SHISA9: variants seen among roughly 807,000 people sequenced by gnomAD.
SHISA9 encodes the protein shisa family member 9.
Under a neutral mutation model 38.0 loss-of-function variants are expected in SHISA9, and 13 were observed. The observed-to-expected ratio is 0.34, with a 90% confidence interval of 0.22 to 0.54. SHISA9 has a LOEUF of 0.54. Among genes scored for constraint, SHISA9 ranks in the 20% least tolerant of loss-of-function variants. The pLI, the probability that SHISA9 is intolerant of heterozygous loss-of-function variation, is 0.91. For missense variants in SHISA9, 538 were observed against 575.8 expected, an observed-to-expected ratio of 0.93 and a Z score of 0.67; for synonymous variants, 275 against 242.0, an observed-to-expected ratio of 1.14 and a Z score of -1.27.
intron 2 of SHISA9, among the ~76,000 whole-genome samples, chr16:12,976,385 C>T (rs2072161933): frequency 1.3e-5 from 2 of 152,174 alleles, no homozygotes; most frequent in Admixed American, 6.5e-5. Context: ...GCCACCATGC[C>T]TGGCCAAACT....
the SHISA9 span, among the ~76,000 whole-genome samples, chr16:13,415,300 T>C: frequency 6.6e-6 from 1 of 152,136 alleles, no homozygotes; most frequent in African/African-American, 2.4e-5. Context: ...TGGATGGAGC[T>C]GGAGGCCATG....
At chr16:13,317,080 C>T in the SHISA9 span, among the ~76,000 whole-genome samples, 1 of 152,158 alleles carries the variant, frequency 6.6e-6, no homozygotes, top group Non-Finnish European at 1.5e-5. Context: ...GCCAGTAGAG[C>T]CCCAGAGGTC....
chr16:13,513,731 C>A, the SHISA9 span, among the ~76,000 whole-genome samples: 1 of 152,224 alleles, frequency 6.6e-6, no homozygotes, highest in East Asian at 1.9e-4. Flanking sequence ...CAAACTGACA[C>A]AGGAACAGAA....
chr16:13,242,863 T>C (rs1217960987), downstream of SHISA9, among the ~76,000 whole-genome samples: 1 of 152,176 alleles, frequency 6.6e-6, no homozygotes, highest in East Asian at 1.9e-4. Context: ...AATAACATTA[T>C]AGTAACAAAT....
the SHISA9 span, among the ~76,000 whole-genome samples, chr16:13,416,676 C>T: frequency 3.3e-5 from 5 of 151,416 alleles, no homozygotes; most frequent in Non-Finnish European, 5.9e-5. Flanking sequence ...AACACCACTG[C>T]ACTCCAGCCT....
intron 2 of SHISA9, among the ~76,000 whole-genome samples, chr16:12,960,997 T>G (rs778381044): frequency 2.0e-5 from 3 of 150,562 alleles, no homozygotes; most frequent in Non-Finnish European, 4.4e-5. Flanking sequence ...AGCAGTGCAA[T>G]CATTTGTGTA....
chr16:13,428,611 C>T, the SHISA9 span, among the ~76,000 whole-genome samples: 1 of 152,102 alleles, frequency 6.6e-6, no homozygotes, highest in African/African-American at 2.4e-5. Context: ...TAAGAAGAAA[C>T]TTAGAAGACC....
intron 1 of SHISA9, among the ~76,000 whole-genome samples, chr16:12,908,148 C>G (rs1277144207): frequency 1.9e-5 from 1 of 52,756 alleles, no homozygotes; most frequent in Non-Finnish European, 4.6e-5. Context: ...ACCCTTTTAT[C>G]ATCATCCTTA....
chr16:13,019,835 T>TCTTTTTCC (rs1413894675), intron 2 of SHISA9, among the ~76,000 whole-genome samples: 70 of 67,890 alleles, frequency 1.0e-3, no homozygotes, highest in East Asian at 3.3e-3. Flanking sequence ...TTTCTTTCTT[T>TCTTTTTCC]TTCCTTCCTT....
chr16:13,210,508 A>G (rs1436574377), intron 3 of SHISA9, among the ~76,000 whole-genome samples: 2 of 152,248 alleles, frequency 1.3e-5, no homozygotes, highest in Non-Finnish European at 2.9e-5. Context: ...CAGAATCACA[A>G]GGCATTTTCC....
chr16:13,433,905 G>C, the SHISA9 span, among the ~76,000 whole-genome samples: 13 of 152,164 alleles, frequency 8.5e-5, no homozygotes, highest in Admixed American at 5.9e-4. Context: ...GTTCCCTAGA[G>C]GGACAGAACT....
At chr16:13,169,710 T>C (rs568062242) in intron 2 of SHISA9, among the ~76,000 whole-genome samples, 2 of 152,164 alleles carry the variant, frequency 1.3e-5, no homozygotes, top group Non-Finnish European at 2.9e-5. Flanking sequence ...CAGAGAGCAA[T>C]GCCGTCTTTG....
At chr16:13,445,407 C>A in the SHISA9 span, among the ~76,000 whole-genome samples, 1 of 152,146 alleles carries the variant, frequency 6.6e-6, no homozygotes, top group Admixed American at 6.5e-5. Context: ...CTGTTCATTA[C>A]TGAAGCCCAA....
At chr16:13,348,697 T>A in the SHISA9 span, among the ~76,000 whole-genome samples, 1 of 151,938 alleles carries the variant, frequency 6.6e-6, no homozygotes, top group Non-Finnish European at 1.5e-5. Flanking sequence ...TGAATCATTG[T>A]GATCAGCTCT....
intron 2 of SHISA9, among the ~76,000 whole-genome samples, chr16:12,984,998 G>A (rs975048212): frequency 6.6e-6 from 1 of 152,080 alleles, no homozygotes; most frequent in Non-Finnish European, 1.5e-5. Flanking sequence ...CCCTTGCTCA[G>A]TTTAGTTCCC....
chr16:13,401,219 C>A, the SHISA9 span, among the ~76,000 whole-genome samples: 1 of 152,172 alleles, frequency 6.6e-6, no homozygotes, highest in Non-Finnish European at 1.5e-5. Flanking sequence ...TTGTGACAAC[C>A]TTTTCAGTTA....
intron 2 of SHISA9, among the ~76,000 whole-genome samples, chr16:13,073,476 T>G (rs995723727): frequency 1.4e-4 from 22 of 152,140 alleles, no homozygotes; most frequent in Non-Finnish European, 1.9e-4. Context: ...ACTAGCATCA[T>G]CAGCAGCAGC....
intron 2 of SHISA9, among the ~76,000 whole-genome samples, chr16:13,055,522 A>G (rs2073300336): frequency 6.6e-6 from 1 of 152,130 alleles, no homozygotes; most frequent in African/African-American, 2.4e-5. Context: ...CTTCTTGGTG[A>G]TCATGAGAAA....
At chr16:12,996,407 G>C (rs1158566610) in intron 2 of SHISA9, among the ~76,000 whole-genome samples, 1 of 152,140 alleles carries the variant, frequency 6.6e-6, no homozygotes, top group Admixed American at 6.5e-5. Flanking sequence ...TCCTCAGTTT[G>C]GCACAGGCCC....
Sources: allele counts gnomAD v4.1 joint callset (sites outside exome capture counted in the v4.1 genomes callset), GRCh38; gene constraint gnomAD v4.1.1; transcripts MANE v1.5; gene names NCBI Gene and HGNC (gene_info 2026-07-23, HGNC 2026-07-21).